JADE3: variants seen among roughly 807,000 people sequenced by gnomAD.
JADE3 encodes the protein protein Jade-3.
A neutral mutation model predicts 50.1 loss-of-function variants in JADE3; 2 were observed. The ratio of observed to expected loss-of-function variants is 0.04; its 90% CI spans 0.02 to 0.13. The LOEUF is 0.13. Ranked by LOEUF, JADE3 falls within the 10% of genes least tolerant of loss-of-function variation. JADE3 has a pLI of 1.00. For missense variants in JADE3, 475 were observed against 634.4 expected, an observed-to-expected ratio of 0.75 and a Z score of 2.70; for synonymous variants, 218 against 232.9, an observed-to-expected ratio of 0.94 and a Z score of 0.58.
chrX:46,953,344 C>CGT (rs1927050317), intron 1 of JADE3, among the ~76,000 whole-genome samples: 1 of 110,972 alleles, frequency 9.0e-6, no homozygotes, highest in Non-Finnish European at 1.9e-5. Flanking sequence ...TGAATTCAGG[C>CGT]CAGTGAATAC....
Position 47,058,650 on chromosome X carries a change from G to A in JADE3, c.2045G>A (p.Ser682Asn). 8.3e-7 allele frequency: 1 copy of A among 1,211,518 alleles called. No individual in the cohort carries two copies. The highest frequency in any genetic ancestry group is 1.1e-6 in the Non-Finnish European group (1 of 895,404). ...TCTGGGAATGTCACCCAAAAAGACAGCTCGAGTGAGATGTTCTGTGACCAG... is the reference window on the plus strand; with the variant it reads ...TCTGGGAATGTCACCCAAAAAGACAACTCGAGTGAGATGTTCTGTGACCAG... Reference protein sequence around the residue: ...SWSGNVTQKDSSSEMFCDQEP... With the variant: ...SWSGNVTQKDNSSEMFCDQEP... Residue 682 changes from serine to asparagine, a missense_variant, in exon 11 of 11, where the codon AGC becomes AAC. Ser to Asn is a conservative substitution (Grantham distance 46, BLOSUM62 1). Transcript: ENST00000614628.
intron 1 of JADE3, among the ~76,000 whole-genome samples, chrX:46,976,107 T>G (rs1378559137): frequency 3.6e-5 from 4 of 111,692 alleles, no homozygotes; most frequent in African/African-American, 1.3e-4. Context: ...TAGAGCATTA[T>G]TTTTTAAACT....
chrX:47,057,040 C>T (rs1204606033), intron 10 of JADE3, among the ~76,000 whole-genome samples: 2 of 111,757 alleles, frequency 1.8e-5, no homozygotes, highest in Non-Finnish European at 3.8e-5. Context: ...TAGCAGGAGG[C>T]AGCAAGACTG....
intron 4 of JADE3, among the ~76,000 whole-genome samples, chrX:47,003,713 A>C (rs1283139485): frequency 1.0e-5 from 1 of 100,377 alleles, no homozygotes; most frequent in Admixed American, 1.2e-4. Context: ...TATATATAAA[A>C]ATTACAAATT....
intron 1 of JADE3, among the ~76,000 whole-genome samples, chrX:46,934,990 G>T (rs1926583757): frequency 9.0e-6 from 1 of 111,681 alleles, no homozygotes; most frequent in Admixed American, 9.5e-5. Context: ...GGCGTGTACA[G>T]TGGTGCGATC....
chrX:46,926,483 T>C, intron 1 of JADE3, among the ~76,000 whole-genome samples: 1 of 111,329 alleles, frequency 9.0e-6, no homozygotes, highest in African/African-American at 3.3e-5. Context: ...TGGGCTCAAG[T>C]GATCCTCCCA....
intron 1 of JADE3, among the ~76,000 whole-genome samples, chrX:46,929,531 A>G (rs186991817): frequency 1.6e-4 from 18 of 111,495 alleles, no homozygotes; most frequent in Non-Finnish European, 2.6e-4. Context: ...GTCCGACTCA[A>G]CTTCCTTCTG....
chrX:46,916,830 C>T (rs1366166690), intron 1 of JADE3, among the ~76,000 whole-genome samples: 2 of 111,659 alleles, frequency 1.8e-5, no homozygotes, highest in Non-Finnish European at 3.8e-5. Flanking sequence ...GAGTGCTCTG[C>T]TGAAGGGGTT....
At chrX:47,047,482 G>A (rs1556370948) in intron 8 of JADE3, among the ~76,000 whole-genome samples, 1 of 109,679 alleles carries the variant, frequency 9.1e-6, no homozygotes, top group Non-Finnish European at 1.9e-5. Flanking sequence ...AGGAGAGGCA[G>A]AGGTTGCGGT....
intron 3 of JADE3, among the ~76,000 whole-genome samples, chrX:46,994,930 T>C (rs1371341250): frequency 9.0e-6 from 1 of 111,549 alleles, no homozygotes; most frequent in East Asian, 2.8e-4. Context: ...ATTTTATAGA[T>C]AAGTTGAGAC....
chrX:47,051,617 T>C (rs1180681204), intron 8 of JADE3, among the ~76,000 whole-genome samples: 2 of 108,502 alleles, frequency 1.8e-5, no homozygotes, highest in African/African-American at 3.4e-5. Context: ...GCCAACATGG[T>C]GAAACCCCGT....
Position 47,027,873 on chromosome X carries a change from T to G in JADE3, c.476-19T>G. On this transcript the variant is annotated intron_variant, in intron 5 of 10. Coordinates refer to ENST00000614628, the MANE Select transcript of JADE3 (RefSeq NM_014735.5). Reference sequence around the variant, plus strand: ...ACAGCTGACTGATGGGTTGATTGATTGTTTGTATTTCTGTGCAGGTTGTGG... The same window carrying G: ...ACAGCTGACTGATGGGTTGATTGATGGTTTGTATTTCTGTGCAGGTTGTGG... 8.4e-7 allele frequency: 1 copy of G among 1,187,932 alleles called. No individual in the cohort carries two copies. Among genetic ancestry groups the G allele is most frequent in the Non-Finnish European group, 1.1e-6 (1 of 874,128 alleles).
At chrX:46,999,686 G>A (rs1379599382) in intron 4 of JADE3, among the ~76,000 whole-genome samples, 1 of 109,230 alleles carries the variant, frequency 9.2e-6, no homozygotes, top group Non-Finnish European at 1.9e-5. Context: ...AATAGGAGAG[G>A]GCTTTGGTTT....
intron 1 of JADE3, among the ~76,000 whole-genome samples, chrX:46,921,920 C>CT (rs60470575): frequency 1.0e-3 from 99 of 98,662 alleles, no homozygotes; most frequent in Non-Finnish European, 1.3e-3. Context: ...TGCTGTAATC[C>CT]TTTTTTTTTT....
intron 5 of JADE3, among the ~76,000 whole-genome samples, chrX:47,027,551 CT>C: frequency 9.0e-6 from 1 of 111,572 alleles, no homozygotes; most frequent in Non-Finnish European, 1.9e-5. Flanking sequence ...AATTATAAAG[CT>C]TGGTGAAAGT....
chrX:47,005,153 A>C (rs183324945), intron 4 of JADE3, among the ~76,000 whole-genome samples: 24 of 111,888 alleles, frequency 2.1e-4, no homozygotes, highest in African/African-American at 7.5e-4. Flanking sequence ...ACAAACCAGC[A>C]AAAACAAAAA....
chrX:46,940,172 A>G (rs1232811800), intron 1 of JADE3, among the ~76,000 whole-genome samples: 2 of 112,714 alleles, frequency 1.8e-5, no homozygotes, highest in East Asian at 5.5e-4. Flanking sequence ...GGTAGCTAGG[A>G]TTCAAACTTT....
At chrX:47,014,903 T>C (rs1280494931) in intron 4 of JADE3, among the ~76,000 whole-genome samples, 2 of 112,436 alleles carry the variant, frequency 1.8e-5, no homozygotes, top group Admixed American at 1.9e-4. Context: ...ATGTAAGTGT[T>C]CTATAACAAA....
At chrX:47,019,403 G>C (rs1468902897) in intron 4 of JADE3, among the ~76,000 whole-genome samples, 1 of 110,892 alleles carries the variant, frequency 9.0e-6, no homozygotes, top group Non-Finnish European at 1.9e-5. Context: ...TGTGTGTTTA[G>C]AGATAGGGTC....
Sources: allele counts gnomAD v4.1 joint callset (sites outside exome capture counted in the v4.1 genomes callset), GRCh38; gene constraint gnomAD v4.1.1; transcripts MANE v1.5; gene names NCBI Gene and HGNC (gene_info 2026-07-23, HGNC 2026-07-21).